Variants in CABLES1 observed in about 807,000 individuals in gnomAD.
CABLES1 encodes the protein Cdk5 and Abl enzyme substrate 1, also known as CDK5 and ABL1 enzyme substrate 1.
A neutral mutation model predicts 57.8 loss-of-function variants in CABLES1; 36 were observed. The observed-to-expected ratio is 0.62, with a 90% CI of 0.48 to 0.82. The LOEUF (loss-of-function observed/expected upper bound fraction) is 0.82. Ranked by LOEUF, CABLES1 falls within the 40% of genes least tolerant of loss-of-function variation. The probability of loss-of-function intolerance (pLI) is 0.00; values close to 1 mark genes in which losing one functional copy is unlikely to be tolerated. For synonymous variants in CABLES1, 374 were observed against 363.0 expected, an observed-to-expected ratio of 1.03 and a Z score of -0.35; for missense variants, 767 against 836.6, an observed-to-expected ratio of 0.92 and a Z score of 1.03.
At chr18:23,174,208 C>T (rs758770818) in intron 1 of CABLES1, among the ~76,000 whole-genome samples, 9 of 152,286 alleles carry the variant, frequency 5.9e-5, no homozygotes, top group Non-Finnish European at 1.2e-4. Context: ...GAATCATACA[C>T]GACGTGGTCT....
chr18:23,204,294 T>A (rs1004466384), intron 3 of CABLES1: 3 of 152,192 alleles, frequency 2.0e-5, no homozygotes, highest in Non-Finnish European at 4.4e-5. Flanking sequence ...AGCATGGAGG[T>A]GAGGCTGGCT....
intron 7 of CABLES1, among the ~76,000 whole-genome samples, chr18:23,243,419 T>A (rs2047786098): frequency 6.6e-6 from 1 of 151,238 alleles, no homozygotes; most frequent in African/African-American, 2.4e-5. Context: ...CTGAAATGCC[T>A]GATTGTGCTG....
At chr18:23,138,933 C>T (rs28591408) in intron 1 of CABLES1, among the ~76,000 whole-genome samples, 51,480 of 152,050 alleles carry the variant, frequency 0.34, 10,112 homozygotes, top group African/African-American at 0.55. Context: ...GAAATGCAGA[C>T]TCTTCCCTAC....
At chr18:23,141,138 A>T (rs532515343) in intron 1 of CABLES1, among the ~76,000 whole-genome samples, 1 of 152,176 alleles carries the variant, frequency 6.6e-6, no homozygotes, top group Non-Finnish European at 1.5e-5. Flanking sequence ...ACCCACTATG[A>T]TGATTTGTTC....
chr18:23,137,897 C>G (rs2046833881), intron 1 of CABLES1, among the ~76,000 whole-genome samples: 1 of 152,188 alleles, frequency 6.6e-6, no homozygotes, highest in African/African-American at 2.4e-5. Flanking sequence ...ACACTGGGCA[C>G]AGGTGACAGC....
intron 7 of CABLES1, among the ~76,000 whole-genome samples, chr18:23,242,234 C>T (rs111860807): frequency 0.18 from 27,592 of 152,048 alleles, 3,194 homozygotes; most frequent in Non-Finnish European, 0.25. Flanking sequence ...GCTGAGATCA[C>T]ACTATTGCAC....
At chr18:23,240,548 A>T (rs1204922504) in intron 7 of CABLES1, among the ~76,000 whole-genome samples, 1 of 152,224 alleles carries the variant, frequency 6.6e-6, no homozygotes, top group African/African-American at 2.4e-5. Context: ...CCACTAGGCT[A>T]GTGTGAGGAT....
intron 4 of CABLES1, among the ~76,000 whole-genome samples, chr18:23,220,381 G>A (rs2047477904): frequency 6.6e-6 from 1 of 152,068 alleles, no homozygotes; most frequent in South Asian, 2.1e-4. Context: ...TCATAAGGCA[G>A]GTGCCAGTAT....
chr18:23,243,980 G>A (rs1346952798), intron 7 of CABLES1, among the ~76,000 whole-genome samples: 3 of 151,622 alleles, frequency 2.0e-5, no homozygotes, highest in East Asian at 1.9e-4. Flanking sequence ...CAGTCGCTTC[G>A]TGATTTTGAC....
chr18:23,174,414 C>T (rs961502532), intron 1 of CABLES1, among the ~76,000 whole-genome samples: 2 of 151,974 alleles, frequency 1.3e-5, no homozygotes, highest in Admixed American at 6.6e-5. Flanking sequence ...TGTATCTTGG[C>T]ATCTTTCTTT....
chr18:23,206,624 C>G (rs746012143), intron 3 of CABLES1, among the ~76,000 whole-genome samples: 9 of 152,180 alleles, frequency 5.9e-5, no homozygotes, highest in Non-Finnish European at 1.0e-4. Context: ...AAAAGTGGCC[C>G]AAGAATCTAA....
intron 3 of CABLES1, chr18:23,197,000 G>C (rs947706264): frequency 6.6e-6 from 1 of 152,274 alleles, no homozygotes; most frequent in Non-Finnish European, 1.5e-5. Flanking sequence ...AGAGGCCCCA[G>C]TATTGAGGAG....
At chr18:23,169,646 G>T (rs193240971) in intron 1 of CABLES1, among the ~76,000 whole-genome samples, 1 of 152,262 alleles carries the variant, frequency 6.6e-6, no homozygotes, top group Admixed American at 6.5e-5. Context: ...TTATTTCTTT[G>T]GCAAGATAAC....
Position 23,135,681 on chromosome 18 carries a change from C to G in CABLES1, c.-82C>G. On this transcript the variant is annotated 5_prime_UTR_variant, in exon 1 of 10. Coordinates refer to ENST00000256925, the MANE Select transcript of CABLES1 (RefSeq NM_001100619.3). ...CCCGCGCCCTACCCAGCCCGGGTCG[C>G]CGCCGCTCGCGCCCGCCGCTTAGCG... 2 of 981,374 alleles carry G rather than the reference C, an allele frequency of 2.0e-6. No individual in the cohort carries two copies. Among genetic ancestry groups the G allele is most frequent in the Non-Finnish European group, 2.4e-6 (2 of 828,094 alleles). The allele number at this position is 981,374 out of a possible 1,614,324, so 60.8% of individuals were successfully genotyped here.
At chr18:23,244,863 C>T (rs1188524757) in intron 7 of CABLES1, among the ~76,000 whole-genome samples, 4 of 152,200 alleles carry the variant, frequency 2.6e-5, no homozygotes, top group Admixed American at 1.3e-4. Flanking sequence ...GCCGAGTGTA[C>T]GGCAAGCTCA....
At chr18:23,171,050 C>G (rs1341743233) in intron 1 of CABLES1, among the ~76,000 whole-genome samples, 1 of 152,224 alleles carries the variant, frequency 6.6e-6, no homozygotes, top group African/African-American at 2.4e-5. Context: ...CCTGCCTCGG[C>G]CTTCCAAAGT....
chr18:23,143,506 T>C (rs1396941254), intron 1 of CABLES1, among the ~76,000 whole-genome samples: 2 of 152,188 alleles, frequency 1.3e-5, no homozygotes, highest in African/African-American at 4.8e-5. Context: ...AGCATCACCC[T>C]TTCCCCAACT....
chr18:23,158,801 G>T (rs2046982638), intron 1 of CABLES1, among the ~76,000 whole-genome samples: 1 of 152,154 alleles, frequency 6.6e-6, no homozygotes, highest in South Asian at 2.1e-4. Flanking sequence ...AAGAGATGCC[G>T]CAAAGCAGCG....
At position 23,136,562 on chromosome 18, in the gene CABLES1, G is replaced by C; in HGVS notation, c.800G>C (p.Gly267Ala). Residue 267 changes from glycine (G) to alanine (A), a missense_variant, in exon 1 of 10, where the codon GGC becomes GCC. Around this residue, in one of 4 missense-constraint regions of CABLES1, gnomAD observed 529 missense variants for 622.8 expected, o/e 0.85. Transcript: ENST00000256925. The stretch of plus-strand genomic sequence containing the variant: ...AACTACTGCTCCCTGGAGCAGCCAG[G>C]CCAGGGCGGCAGCACCAGCGCCTTC... Reference protein sequence around the residue: ...SQNYCSLEQPGQGGSTSAFEQ... With the variant: ...SQNYCSLEQPAQGGSTSAFEQ... 1.3e-6 allele frequency: 2 copies of C among 1,532,096 alleles called. No individual in the cohort carries two copies. The highest frequency in any genetic ancestry group is 1.7e-6 in the Non-Finnish European group (2 of 1,147,350). The allele number at this position is 1,532,096 out of a possible 1,614,324, so 94.9% of individuals were successfully genotyped here. A position where few individuals can be genotyped will look rare whatever the true frequency, so the allele number is the denominator to read the frequency against.
Sources: gnomAD v4.1 joint callset for allele counts (sites outside exome capture counted in the v4.1 genomes callset) on GRCh38, gnomAD v4.1.1 for gene constraint, gnomAD v4.1.1 regional missense constraint, MANE v1.5 for transcripts, NCBI Gene and HGNC (gene_info 2026-07-23, HGNC 2026-07-21) for gene names.